COL28A1: variants seen among roughly 807,000 people sequenced by gnomAD.
COL28A1 encodes the protein collagen type XXVIII alpha 1 chain.
In COL28A1, 161 loss-of-function variants were observed where a neutral mutation model predicts 150.2. The observed-to-expected ratio is 1.07, with a 90% CI of 0.94 to 1.22. The LOEUF (loss-of-function observed/expected upper bound fraction) is 1.22. Ranked by LOEUF, COL28A1 falls within the 50% of genes most tolerant of loss-of-function variation. The pLI is 0.00. For missense variants in COL28A1, 1,617 were observed against 1,388.3 expected (o/e 1.16, Z -2.62); for synonymous variants, 552 against 469.7 (o/e 1.18, Z -2.26).
At chr7:7,359,688 C>T (rs1009272394) in intron 34 of COL28A1, among the ~76,000 whole-genome samples, 2 of 152,132 alleles carry the variant, frequency 1.3e-5, no homozygotes, top group African/African-American at 4.8e-5. Flanking sequence ...ACTTTCTCTT[C>T]CTTAAACATT....
chr7:7,438,174 C>G (rs567544239), intron 21 of COL28A1, among the ~76,000 whole-genome samples: 2 of 152,150 alleles, frequency 1.3e-5, no homozygotes, highest in African/African-American at 2.4e-5. Context: ...ATCACTCAAA[C>G]CCTGGACGCA....
chr7:7,405,704 G>A (rs1313857798), intron 27 of COL28A1, among the ~76,000 whole-genome samples: 1 of 152,068 alleles, frequency 6.6e-6, no homozygotes, highest in African/African-American at 2.4e-5. Context: ...AAGCTTCCTT[G>A]TAGAAACCAC....
chr7:7,491,532 C>T (rs2128370279), intron 11 of COL28A1, among the ~76,000 whole-genome samples: 1 of 152,356 alleles, frequency 6.6e-6, no homozygotes, highest in African/African-American at 2.4e-5. Context: ...ATTTAAGCCA[C>T]TATTATTCAA....
chr7:7,526,832 A>G (rs1050799244), intron 3 of COL28A1, among the ~76,000 whole-genome samples: 3 of 152,056 alleles, frequency 2.0e-5, no homozygotes, highest in South Asian at 2.1e-4. Context: ...ACAGGGTTTC[A>G]TCATGTCGGC....
upstream of COL28A1, among the ~76,000 whole-genome samples, chr7:7,536,263 T>C (rs1283413512): frequency 2.0e-5 from 3 of 152,168 alleles, no homozygotes; most frequent in Non-Finnish European, 4.4e-5. Context: ...AGCTGGATGA[T>C]GAGTACATAG....
intron 25 of COL28A1, among the ~76,000 whole-genome samples, chr7:7,424,166 T>A (rs1019654571): frequency 6.6e-6 from 1 of 152,222 alleles, no homozygotes; most frequent in African/African-American, 2.4e-5. Context: ...GATATTAGAA[T>A]TGGTCTGTAA....
At chr7:7,532,431 CTATGGCCTTGAG>C (rs1249679577) in intron 2 of COL28A1, among the ~76,000 whole-genome samples, 2 of 151,970 alleles carry the variant, frequency 1.3e-5, no homozygotes, top group Non-Finnish European at 1.5e-5. Context: ...GTTAATTTGC[CTATGGCCTTGAG>C]TATGCCACTC....
At chr7:7,473,231 C>T (rs1035332244) in intron 15 of COL28A1, among the ~76,000 whole-genome samples, 2 of 152,032 alleles carry the variant, frequency 1.3e-5, no homozygotes, top group Non-Finnish European at 2.9e-5. Context: ...GCAAAAGGAA[C>T]GGTTAGCAGA....
intron 13 of COL28A1, among the ~76,000 whole-genome samples, chr7:7,478,902 T>C (rs57172214): frequency 0.15 from 22,679 of 152,244 alleles, 1,800 homozygotes; most frequent in Middle Eastern, 0.22. Context: ...CAGGCAGCCC[T>C]GGTTCCACCC....
chr7:7,491,046 G>A (rs73352209), intron 11 of COL28A1, among the ~76,000 whole-genome samples: 3,345 of 152,194 alleles, frequency 0.022, 113 homozygotes, highest in African/African-American at 0.077. Context: ...AAGGCATAAC[G>A]CAGCCATCAC....
At chr7:7,464,755 TAGAGA>T (rs909492807) in intron 15 of COL28A1, among the ~76,000 whole-genome samples, 22 of 152,082 alleles carry the variant, frequency 1.4e-4, no homozygotes, top group Admixed American at 4.6e-4. Flanking sequence ...CTCAAGGAAC[TAGAGA>T]AACAAGAACA....
At chr7:7,346,121 G>C in the COL28A1 span, among the ~76,000 whole-genome samples, 1 of 151,850 alleles carries the variant, frequency 6.6e-6, no homozygotes, top group Non-Finnish European at 1.5e-5. Flanking sequence ...CAAGTATTTG[G>C]TGGCAAAATC....
chr7:7,429,732 A>C (rs1402908435), intron 25 of COL28A1, among the ~76,000 whole-genome samples: 3 of 152,134 alleles, frequency 2.0e-5, no homozygotes, highest in Non-Finnish European at 4.4e-5. Flanking sequence ...TTCCATGGGA[A>C]GAGACAAGAA....
At chr7:7,436,731 C>T (rs974600471) in intron 22 of COL28A1, among the ~76,000 whole-genome samples, 1 of 152,206 alleles carries the variant, frequency 6.6e-6, no homozygotes, top group Non-Finnish European at 1.5e-5. Flanking sequence ...TTAAGAATGG[C>T]TGAGAATGCT....
intron 3 of COL28A1, among the ~76,000 whole-genome samples, chr7:7,530,261 C>T (rs1252599971): frequency 6.6e-6 from 1 of 152,060 alleles, no homozygotes; most frequent in Non-Finnish European, 1.5e-5. Flanking sequence ...ATAAAGTGTT[C>T]AGGAAAATGC....
At chr7:7,344,734 C>A in the COL28A1 span, among the ~76,000 whole-genome samples, 5 of 152,016 alleles carry the variant, frequency 3.3e-5, no homozygotes, top group Non-Finnish European at 7.4e-5. Flanking sequence ...CTATAATACA[C>A]AAGACATTCC....
At chr7:7,481,555 TA>T (rs1209368315) in intron 13 of COL28A1, among the ~76,000 whole-genome samples, 22 of 152,322 alleles carry the variant, frequency 1.4e-4, no homozygotes, top group African/African-American at 5.1e-4. Flanking sequence ...CAATTACAAC[TA>T]CGACATACTT....
intron 9 of COL28A1, among the ~76,000 whole-genome samples, 195 bp from the exon 10 acceptor site, chr7:7,507,356 A>T (rs572107706): frequency 6.6e-6 from 1 of 152,322 alleles, no homozygotes; most frequent in African/African-American, 2.4e-5. Context: ...TTCAGTAAAC[A>T]ATCTCCATGA....
At chr7:7,380,006 C>T (rs1407833337) in intron 30 of COL28A1, among the ~76,000 whole-genome samples, 4 of 152,132 alleles carry the variant, frequency 2.6e-5, no homozygotes, top group African/African-American at 9.7e-5. Flanking sequence ...CCCCGCTAGA[C>T]CACAACCCTG....
Sources: allele counts gnomAD v4.1 joint callset (sites outside exome capture counted in the v4.1 genomes callset), GRCh38; gene constraint gnomAD v4.1.1; transcripts MANE v1.5; gene names NCBI Gene and HGNC (gene_info 2026-07-23, HGNC 2026-07-21).